RUNDC3B: variants seen among roughly 807,000 people sequenced by gnomAD.
The protein encoded by RUNDC3B is RUN domain containing 3B, also known as RUN domain-containing protein 3B.
A neutral mutation model predicts 58.4 loss-of-function variants in RUNDC3B; 33 were observed. The ratio of observed to expected loss-of-function variants is 0.56; its 90% CI spans 0.43 to 0.75. The LOEUF (loss-of-function observed/expected upper bound fraction) is 0.75. Ranked by LOEUF, RUNDC3B falls within the 30% of genes least tolerant of loss-of-function variation. RUNDC3B has a pLI of 0.00. For synonymous variants in RUNDC3B, 193 were observed against 195.2 expected, an observed-to-expected ratio of 0.99 and a Z score of 0.10; for missense variants, 501 against 535.7, an observed-to-expected ratio of 0.94 and a Z score of 0.64.
chr7:87,689,982 A>AT (rs201519657), intron 2 of RUNDC3B, among the ~76,000 whole-genome samples: 19 of 151,784 alleles, frequency 1.3e-4, no homozygotes, highest in African/African-American at 1.9e-4. Context: ...GCTGTCATAG[A>AT]TTTTTTTTTA....
chr7:87,749,708 T>C (rs1236949374), intron 6 of RUNDC3B, among the ~76,000 whole-genome samples: 1 of 151,984 alleles, frequency 6.6e-6, no homozygotes, highest in Non-Finnish European at 1.5e-5. Context: ...GTAATACATA[T>C]TCATGGTAGA....
chr7:87,767,601 T>C (rs1045813570), intron 6 of RUNDC3B, among the ~76,000 whole-genome samples: 12 of 152,202 alleles, frequency 7.9e-5, no homozygotes, highest in Admixed American at 3.9e-4. Context: ...ACTATGCCCT[T>C]CTATCCTCAG....
chr7:87,782,232 C>T (rs1023567426), intron 8 of RUNDC3B, among the ~76,000 whole-genome samples: 5 of 152,040 alleles, frequency 3.3e-5, no homozygotes, highest in Non-Finnish European at 7.4e-5. Flanking sequence ...TATCAATTTC[C>T]TCTAGATTTT....
chr7:87,776,213 C>T (rs947989405), intron 7 of RUNDC3B, among the ~76,000 whole-genome samples: 3 of 151,946 alleles, frequency 2.0e-5, no homozygotes, highest in Admixed American at 6.6e-5. Context: ...GATATATCTC[C>T]TCGAAACTCT....
At chr7:87,754,897 C>G (rs1251408871) in intron 6 of RUNDC3B, among the ~76,000 whole-genome samples, 1 of 91,014 alleles carries the variant, frequency 1.1e-5, no homozygotes, top group African/African-American at 4.4e-5. Context: ...CTGAACAGAA[C>G]AATAATGAGC....
intron 1 of RUNDC3B, among the ~76,000 whole-genome samples, chr7:87,645,268 G>A (rs910562859): frequency 6.6e-6 from 1 of 152,012 alleles, no homozygotes; most frequent in Admixed American, 6.6e-5. Flanking sequence ...ATTTTTAGTA[G>A]AGATGGGGTT....
intron 3 of RUNDC3B, 91 bp from the exon 4 acceptor site, chr7:87,710,479 T>G (rs193005465): frequency 1.4e-6 from 1 of 695,688 alleles, no homozygotes; most frequent in East Asian, 2.9e-5. Flanking sequence ...TTTGAATGGC[T>G]GTTCTTTACA....
chr7:87,787,141 G>C (rs1313667150), intron 8 of RUNDC3B, among the ~76,000 whole-genome samples: 1 of 152,128 alleles, frequency 6.6e-6, no homozygotes, highest in African/African-American at 2.4e-5. Flanking sequence ...ATTTCTTTGT[G>C]AATGTTCACA....
Position 87,791,267 on chromosome 7 carries a change from C to T in RUNDC3B, c.956+13312C>T, listed in dbSNP as rs1443302406. On this transcript the variant is annotated intron_variant, in intron 8 of 10. Coordinates refer to ENST00000394654, the MANE Select transcript of RUNDC3B (RefSeq NM_001134405.2). ...CCTTCAAACATGAAGGAGAAATAGA[C>T]TTTCCCAGACACACAAAAGCTGAGG... Among the ~76,000 whole-genome samples, 5 of 152,110 alleles carry T rather than the reference C, an allele frequency of 3.3e-5. No homozygotes were observed. In the East Asian group the frequency reaches 7.7e-4, roughly 23 times the overall value.
At chr7:87,802,678 A>G (rs1836234036) in intron 8 of RUNDC3B, among the ~76,000 whole-genome samples, 1 of 152,136 alleles carries the variant, frequency 6.6e-6, no homozygotes, top group South Asian at 2.1e-4. Context: ...ACTCATAAAT[A>G]TACACACCTA....
chr7:87,704,858 G>A (rs1184391004), intron 3 of RUNDC3B, among the ~76,000 whole-genome samples: 1 of 152,158 alleles, frequency 6.6e-6, no homozygotes, highest in South Asian at 2.1e-4. Context: ...CACATCTCAC[G>A]TCTCTGGATT....
intron 7 of RUNDC3B, among the ~76,000 whole-genome samples, chr7:87,774,354 C>A (rs1336192370): frequency 6.6e-6 from 1 of 151,580 alleles, no homozygotes; most frequent in East Asian, 1.9e-4. Context: ...GAAAGAACAA[C>A]CAAACCAGTT....
intron 2 of RUNDC3B, among the ~76,000 whole-genome samples, chr7:87,668,669 T>C (rs754591880): frequency 2.6e-5 from 4 of 152,158 alleles, no homozygotes; most frequent in Non-Finnish European, 5.9e-5. Context: ...GATTCTGGTA[T>C]GTTGTATTTT....
intron 1 of RUNDC3B, among the ~76,000 whole-genome samples, chr7:87,637,141 A>G (rs1055544509): frequency 6.6e-6 from 1 of 152,186 alleles, no homozygotes; most frequent in Non-Finnish European, 1.5e-5. Context: ...TATGGGAACT[A>G]CAATTCAAGA....
Position 87,700,471 on chromosome 7 carries a change from A to G in RUNDC3B, c.289A>G (p.Ile97Val). Residue 97 changes from isoleucine to valine, a missense_variant, in exon 3 of 11, where the codon ATC becomes GTC. Ile to Val is a conservative substitution (Grantham distance 29). Coordinates refer to ENST00000394654, the MANE Select transcript of RUNDC3B (RefSeq NM_001134405.2). The part of the protein sequence containing the change: ...YESPRSFWDY[I>V]RVACRKVSQN... ...AAGTCCTCGTAGCTTCTGGGACTATATCAGAGTGGCTTGCCGGAAAGTTTC... is the reference window on the plus strand; with the variant it reads ...AAGTCCTCGTAGCTTCTGGGACTATGTCAGAGTGGCTTGCCGGAAAGTTTC... 6.2e-7 allele frequency: 1 copy of G among 1,613,594 alleles called. No homozygotes were observed.
chr7:87,799,885 C>CAA (rs763617668), intron 8 of RUNDC3B, among the ~76,000 whole-genome samples: 102 of 58,686 alleles, frequency 1.7e-3, no homozygotes, highest in Middle Eastern at 9.4e-3. Context: ...GACTCCGTCT[C>CAA]AAAAAAAAAA....
chr7:87,671,730 A>G (rs1825842246), intron 2 of RUNDC3B, among the ~76,000 whole-genome samples: 1 of 152,116 alleles, frequency 6.6e-6, no homozygotes, highest in South Asian at 2.1e-4. Flanking sequence ...CAGTCTTACC[A>G]TGTGTTGGTA....
chr7:87,800,447 T>C (rs1356748000), intron 8 of RUNDC3B, among the ~76,000 whole-genome samples: 4 of 152,204 alleles, frequency 2.6e-5, no homozygotes, highest in African/African-American at 9.7e-5. Context: ...TGAATAGTGC[T>C]ACAGTGGACA....
chr7:87,751,235 C>A (rs1472149782), intron 6 of RUNDC3B, among the ~76,000 whole-genome samples: 2 of 152,046 alleles, frequency 1.3e-5, no homozygotes, highest in African/African-American at 4.8e-5. Context: ...TTCCATTGAT[C>A]TATATCTCTG....
Sources: gnomAD v4.1 joint callset for allele counts (sites outside exome capture counted in the v4.1 genomes callset) on GRCh38, gnomAD v4.1.1 for gene constraint, MANE v1.5 for transcripts, NCBI Gene and HGNC (gene_info 2026-07-23, HGNC 2026-07-21) for gene names.